OTOGL: variants seen among roughly 807,000 people sequenced by gnomAD.
OTOGL encodes otogelin like, also known as otogelin-like protein.
In OTOGL, 285 loss-of-function variants were observed where a neutral mutation model predicts 318.5. The observed-to-expected ratio is 0.89, with a 90% CI of 0.81 to 0.99. OTOGL has a LOEUF of 0.99. Among genes scored for constraint, OTOGL ranks in the 50% least tolerant of loss-of-function variants. The pLI is 0.00. For missense variants in OTOGL, 2,899 were observed against 2,845.6 expected (o/e 1.02, Z -0.43); for synonymous variants, 987 against 936.5 (o/e 1.05, Z -0.99).
chr12:80,335,074 G>A (rs987591560), intron 38 of OTOGL, among the ~76,000 whole-genome samples: 2 of 151,988 alleles, frequency 1.3e-5, no homozygotes, highest in South Asian at 2.1e-4. Context: ...AAAGATTTAG[G>A]GAGAAACAAA....
In OTOGL at chr12:80,210,725, C is replaced by T. The variant is rs1326864822; in HGVS notation, c.80-122C>T. The T allele has an allele frequency of 5.6e-6, 4 of 716,462 alleles. No individual in the cohort carries two copies. In the East Asian group the frequency reaches 1.3e-4, roughly 23 times the overall value. 44.4% of individuals were successfully genotyped at this position (716,462 alleles called of 1,614,324 possible). On this transcript the variant is annotated intron_variant, in intron 2 of 58. Coordinates refer to ENST00000547103, the MANE Select transcript of OTOGL (RefSeq NM_001378609.3). ...TCAAATCCCTCTAAAAAATGCAAAA[C>T]TAACAGCAAACTTCAATCAGAATTT...
intron 26 of OTOGL, among the ~76,000 whole-genome samples, chr12:80,289,111 T>C (rs1040072573): frequency 6.6e-6 from 1 of 152,152 alleles, no homozygotes; most frequent in Non-Finnish European, 1.5e-5. Context: ...GTTGATGTTA[T>C]CACTTTCTTT....
At chr12:80,307,534 T>C (rs1201356929) in intron 29 of OTOGL, among the ~76,000 whole-genome samples, 1 of 142,246 alleles carries the variant, frequency 7.0e-6, no homozygotes, top group Non-Finnish European at 1.5e-5. Flanking sequence ...GCCCCTCACC[T>C]CCGGGACGGG....
intron 56 of OTOGL, 55 bp downstream of exon 56, chr12:80,370,744 AC>A: frequency 3.9e-6 from 5 of 1,294,254 alleles, no homozygotes; most frequent in East Asian, 2.7e-5. Flanking sequence ...TAGAAAATAC[AC>A]ATTGATATTT....
At chr12:80,110,736 A>T (rs191325978) in intron 1 of OTOGL, among the ~76,000 whole-genome samples, 1 of 152,256 alleles carries the variant, frequency 6.6e-6, no homozygotes, top group East Asian at 1.9e-4. Context: ...TCTTTATAGT[A>T]GAATGATTTA....
intron 1 of OTOGL, among the ~76,000 whole-genome samples, chr12:80,144,468 G>T (rs1872191177): frequency 6.7e-6 from 1 of 148,206 alleles, no homozygotes; most frequent in African/African-American, 2.6e-5. Context: ...TTGGACATTT[G>T]GGTTGGTTCC....
Position 80,164,466 on chromosome 12 carries a change from A to G in OTOGL, c.-19-44947A>G, listed in dbSNP as rs569906721. 2.6e-5 allele frequency among the ~76,000 whole-genome samples: 4 copies of G among 152,162 alleles called. No homozygotes were observed. In the South Asian group the frequency reaches 8.3e-4, roughly 32 times the overall value. On this transcript the variant is annotated intron_variant, in intron 1 of 58. Transcript: ENST00000547103. The stretch of plus-strand genomic sequence containing the variant: ...TGTTCTATTTCTTCTTGTGTCAGTT[A>G]TTGTAGTTTGTGTTTTACTAGGAAT...
intron 42 of OTOGL, among the ~76,000 whole-genome samples, chr12:80,338,340 AAG>A (rs1888538686): frequency 6.6e-6 from 1 of 152,116 alleles, no homozygotes; most frequent in East Asian, 1.9e-4. Context: ...AAGGAAGAGA[AAG>A]AGAAAGTATG....
intron 28 of OTOGL, 129 bp downstream of exon 28, chr12:80,302,912 A>C: frequency 1.1e-6 from 1 of 900,444 alleles, no homozygotes; most frequent in Non-Finnish European, 1.5e-6. Flanking sequence ...TTACTAACTC[A>C]TACCCTTGTG....
At chr12:80,108,803 A>ATATATATATATG (rs1565863161) in intron 1 of OTOGL, among the ~76,000 whole-genome samples, 9 of 37,040 alleles carry the variant, frequency 2.4e-4, no homozygotes, top group East Asian at 7.9e-4. Context: ...ATATATATGT[A>ATATATATATATG]TATATATATG....
intron 1 of OTOGL, among the ~76,000 whole-genome samples, chr12:80,203,599 C>A (rs1343707542): frequency 1.3e-5 from 2 of 152,026 alleles, no homozygotes; most frequent in African/African-American, 4.8e-5. Context: ...GCATAAAGAG[C>A]GAGGTAAGAG....
intron 52 of OTOGL, among the ~76,000 whole-genome samples, chr12:80,364,884 A>G (rs1566017555): frequency 6.6e-6 from 1 of 152,132 alleles, no homozygotes; most frequent in Non-Finnish European, 1.5e-5. Flanking sequence ...AACATCGTTA[A>G]GTATCATTTA....
chr12:80,152,983 C>T (rs535007841), intron 1 of OTOGL, among the ~76,000 whole-genome samples: 42 of 152,206 alleles, frequency 2.8e-4, no homozygotes, highest in Admixed American at 3.3e-4. Context: ...CATGAGCAAC[C>T]GCACCCTGGC....
At chr12:80,308,292 G>A (rs904484129) in intron 29 of OTOGL, among the ~76,000 whole-genome samples, 6 of 151,340 alleles carry the variant, frequency 4.0e-5, no homozygotes, top group Non-Finnish European at 5.9e-5. Flanking sequence ...TTCTCAGACC[G>A]GGCGGTTGCC....
chr12:80,303,726 A>C (rs940340152), intron 28 of OTOGL, among the ~76,000 whole-genome samples: 6 of 152,180 alleles, frequency 3.9e-5, no homozygotes, highest in African/African-American at 1.2e-4. Context: ...GGGAAATGCC[A>C]CACTTTTTAA....
intron 20 of OTOGL, chr12:80,266,192 G>A (rs1882948735): frequency 4.5e-6 from 2 of 444,010 alleles, no homozygotes; most frequent in African/African-American, 2.0e-5. Flanking sequence ...ATATAGTTCT[G>A]CAAAGCTGAA....
intron 5 of OTOGL, among the ~76,000 whole-genome samples, chr12:80,218,953 C>T (rs991035900): frequency 2.0e-5 from 3 of 151,504 alleles, no homozygotes; most frequent in East Asian, 1.9e-4. Flanking sequence ...TACCACCATG[C>T]CTGGCAGCAA....
intron 27 of OTOGL, among the ~76,000 whole-genome samples, chr12:80,297,418 G>A (rs1379266849): frequency 1.4e-5 from 2 of 147,788 alleles, no homozygotes; most frequent in African/African-American, 5.0e-5. Context: ...CTCAACCTCC[G>A]CCTCCTGGGT....
chr12:80,142,956 T>A (rs2137145111), intron 1 of OTOGL, among the ~76,000 whole-genome samples: 1 of 152,222 alleles, frequency 6.6e-6, no homozygotes, highest in Admixed American at 6.5e-5. Context: ...TCTGGAGGAC[T>A]TGGGACCACT....
Sources: allele counts gnomAD v4.1 joint callset (sites outside exome capture counted in the v4.1 genomes callset), GRCh38; gene constraint gnomAD v4.1.1; transcripts MANE v1.5; gene names NCBI Gene and HGNC (gene_info 2026-07-23, HGNC 2026-07-21).